Variants in PCNT observed in about 807,000 individuals in gnomAD.
PCNT encodes kendrin.
Under a neutral mutation model 380.4 loss-of-function variants are expected in PCNT, and 319 were observed. The ratio of observed to expected loss-of-function variants is 0.84; its 90% confidence interval spans 0.77 to 0.92. The LOEUF (loss-of-function observed/expected upper bound fraction) is 0.92. PCNT is among the 40% of genes least tolerant of loss of function. PCNT has a pLI of 0.00. For missense variants in PCNT, 4,400 were observed against 4,255.3 expected (o/e 1.03, Z -0.95); for synonymous variants, 1,845 against 1,735.2 (o/e 1.06, Z -1.57).
At chr21:46,364,064 A>G (rs1289537869) in intron 14 of PCNT, 130 bp downstream of exon 14, 16 of 797,596 alleles carry the variant, frequency 2.0e-5, no homozygotes, top group Non-Finnish European at 2.4e-5. Context: ...GAGCTGGAAC[A>G]AGGTGTGGCG....
rs137912192 is a variant in PCNT at position 46,363,883 on chromosome 21, C to A, written c.2558C>A (p.Ala853Glu). Residue 853 changes from alanine to glutamate, a missense_variant, in exon 14 of 47, where the codon GCG becomes GAG. Transcript: ENST00000359568. ...PPTAQDGELA[A>E]LHVKEDCALQ... ...ACAGCCCAGGACGGGGAGCTTGCTG[C>A]GCTCCACGTGAAGGAAGACTGCGCC... 9 of 1,610,858 alleles carry A rather than the reference C, an allele frequency of 5.6e-6. No individual in the cohort carries two copies. The South Asian group carries it at 9.9e-5, about 18-fold the overall frequency.
Position 46,334,769 on chromosome 21 carries a change from G to T in PCNT, c.639+1G>T. ...AGAACAGCGTGGGATGTTCACAAAG[G>T]TATTCTTTAAGTTCTCTGTTAAGGT... On this transcript the variant is annotated splice_donor_variant, in intron 3 of 46. Transcript: ENST00000359568. LOFTEE classifies it high-confidence loss of function. 6.2e-7 allele frequency: 1 copy of T among 1,614,182 alleles called. No homozygotes were observed. Among genetic ancestry groups the T allele is most frequent in the Non-Finnish European group, 8.5e-7 (1 of 1,179,990 alleles).
Position 46,445,342 on chromosome 21 carries a change from C to T in PCNT, c.*15C>T, listed in dbSNP as rs985025052. The T allele has an allele frequency of 5.7e-6, 9 of 1,584,278 alleles. No homozygotes were observed. The African/African-American group carries it at 1.2e-4, about 21-fold the overall frequency. On this transcript the variant is annotated 3_prime_UTR_variant, in exon 47 of 47. Transcript: ENST00000359568. ...TTAAACAGTGAATAAAATGTCATGG[C>T]TCTTTCCTGCGACAATTCTATTTGA...
chr21:46,325,716 C>G (rs59141477), intron 1 of PCNT, among the ~76,000 whole-genome samples: 4 of 152,132 alleles, frequency 2.6e-5, no homozygotes, highest in African/African-American at 9.7e-5. Context: ...TCGCATACCT[C>G]TTGAGTAAGA....
chr21:46,346,446 G>A (rs189638900), intron 4 of PCNT, among the ~76,000 whole-genome samples: 53 of 152,286 alleles, frequency 3.5e-4, no homozygotes, highest in African/African-American at 1.0e-3. Flanking sequence ...ACCTCAGGCC[G>A]GTTGCTCTCC....
chr21:46,365,642 G>C (rs1006169281), intron 14 of PCNT, among the ~76,000 whole-genome samples: 10 of 148,058 alleles, frequency 6.8e-5, no homozygotes, highest in East Asian at 2.1e-4. Context: ...CTGCCATGGG[G>C]TTCTATTCAC....
chr21:46,352,081 T>C (rs1234373963), intron 9 of PCNT, among the ~76,000 whole-genome samples: 2 of 152,200 alleles, frequency 1.3e-5, no homozygotes, highest in Non-Finnish European at 2.9e-5. Context: ...GCTTGGATGG[T>C]GCCTGAGGGC....
At chr21:46,398,157 C>A in intron 23 of PCNT, 27 bp downstream of exon 23, 1 of 1,605,482 alleles carries the variant, frequency 6.2e-7, no homozygotes, top group Non-Finnish European at 8.5e-7. Context: ...TGCAGTGCTG[C>A]TGGTTGCTGT....
chr21:46,424,900 A>G (rs2087430896), intron 32 of PCNT, among the ~76,000 whole-genome samples: 1 of 152,130 alleles, frequency 6.6e-6, no homozygotes, highest in Admixed American at 6.5e-5. Context: ...CATAGTGTGC[A>G]ATTTGGTTTC....
intron 2 of PCNT, 83 bp downstream of exon 2, chr21:46,326,672 T>A: frequency 6.9e-7 from 1 of 1,453,176 alleles, no homozygotes; most frequent in East Asian, 2.3e-5. Context: ...TGGTCTTTGG[T>A]CTGTTTTTGC....
intron 2 of PCNT, among the ~76,000 whole-genome samples, chr21:46,330,495 C>G (rs2083522731): frequency 6.6e-6 from 1 of 152,174 alleles, no homozygotes; most frequent in Non-Finnish European, 1.5e-5. Flanking sequence ...TTCTGCTGTA[C>G]ACTAAGTTAG....
intron 27 of PCNT, among the ~76,000 whole-genome samples, chr21:46,405,833 A>G (rs2086605798): frequency 1.3e-5 from 2 of 152,236 alleles, no homozygotes; most frequent in African/African-American, 4.8e-5. Flanking sequence ...TTACATGTTA[A>G]GGACAGTATT....
At chr21:46,334,339 T>C (rs2083659766) in intron 2 of PCNT, 58 bp from the exon 3 acceptor site, 1 of 1,612,554 alleles carries the variant, frequency 6.2e-7, no homozygotes, top group South Asian at 1.1e-5. Flanking sequence ...GGGAAGGGCC[T>C]GAGGCTGCAG....
At chr21:46,405,643 C>T (rs1940146161) in intron 27 of PCNT, among the ~76,000 whole-genome samples, 1 of 152,122 alleles carries the variant, frequency 6.6e-6, no homozygotes, top group African/African-American at 2.4e-5. Flanking sequence ...TGGCAGTGAG[C>T]CGAGATTGCG....
In PCNT at chr21:46,425,379, C is replaced by T. The variant is rs1242023357; in HGVS notation, c.7180-452C>T. Among the ~76,000 whole-genome samples, 3 of 152,254 alleles carry T rather than the reference C, an allele frequency of 2.0e-5. No homozygotes were observed. Among genetic ancestry groups the T allele is most frequent in the African/African-American group, 7.2e-5 (3 of 41,464 alleles). ...GTGGTCGGCACTGGCCTCAGCCGGA[C>T]CACGCACAGAGGCCTCCTGGGTGGC... On this transcript the variant is annotated intron_variant, in intron 32 of 46. Transcript: ENST00000359568. The surrounding 1 kb of genome is among the most constrained non-coding windows in gnomAD (Gnocchi z 4.2).
Position 46,368,071 on chromosome 21 carries a change from C to G in PCNT, c.3165+932C>G, listed in dbSNP as rs551493896. Among the ~76,000 whole-genome samples, 3 of 152,230 alleles carry G rather than the reference C, an allele frequency of 2.0e-5. No individual in the cohort carries two copies. The South Asian group carries it at 6.2e-4, about 32-fold the overall frequency. On this transcript the variant is annotated intron_variant, in intron 15 of 46. Coordinates refer to ENST00000359568, the MANE Select transcript of PCNT (RefSeq NM_006031.6). ...TTTGGAGGCTGAAGCAGGAGGATTG[C>G]TTGAGCCCAGGAAGTCGAGGCTGCA...
intron 32 of PCNT, among the ~76,000 whole-genome samples, chr21:46,422,832 G>A (rs948760914): frequency 4.1e-4 from 63 of 152,332 alleles, no homozygotes; most frequent in Non-Finnish European, 1.2e-4. Context: ...GCTGCTGGCC[G>A]CAGCTCCCGT....
intron 22 of PCNT, 119 bp downstream of exon 22, chr21:46,397,613 C>T: frequency 6.0e-6 from 5 of 839,720 alleles, no homozygotes; most frequent in South Asian, 5.9e-5. Flanking sequence ...GCGCCCCACA[C>T]CTGCTGCACA....
chr21:46,393,100 G>A (rs11702433), intron 21 of PCNT, among the ~76,000 whole-genome samples: 48,989 of 151,964 alleles, frequency 0.32, 8,447 homozygotes, highest in Middle Eastern at 0.42. Context: ...GCCTGCTGCC[G>A]GGCTCAGGGC....
Sources: gnomAD v4.1 joint callset for allele counts (sites outside exome capture counted in the v4.1 genomes callset) on GRCh38, gnomAD v4.1.1 for gene constraint, Gnocchi (gnomAD v3.1) non-coding constraint, MANE v1.5 for transcripts, NCBI Gene and HGNC (gene_info 2026-07-23, HGNC 2026-07-21) for gene names.